The following SLC47A2 variants were observed in gnomAD, a reference collection of about 807,000 sequenced individuals.
SLC47A2 encodes the protein multidrug and toxin extrusion protein 2.
Under a neutral mutation model 67.7 loss-of-function variants are expected in SLC47A2, and 52 were observed. The ratio of observed to expected loss-of-function variants is 0.77; its 90% CI spans 0.61 to 0.97. The LOEUF (loss-of-function observed/expected upper bound fraction) is 0.97, where lower values mean the gene tolerates loss of function less well. SLC47A2 is among the 50% of genes least tolerant of loss of function. SLC47A2 has a pLI of 0.00. For synonymous variants in SLC47A2, 278 were observed against 292.9 expected (o/e 0.95, Z 0.52); for missense variants, 676 against 712.3 (o/e 0.95, Z 0.58).
intron 1 of SLC47A2, chr17:19,715,702 T>TTG (rs2086240238): frequency 2.3e-5 from 3 of 129,310 alleles, no homozygotes; most frequent in East Asian, 2.6e-4. Context: ...GTTTTGTTTT[T>TTG]TTTGTTTTTT....
intron 13 of SLC47A2, among the ~76,000 whole-genome samples, chr17:19,693,140 A>G (rs1212920653): frequency 6.6e-6 from 1 of 151,838 alleles, no homozygotes; most frequent in Non-Finnish European, 1.5e-5. Flanking sequence ...AAAAAAAAAG[A>G]GGTTTATCCC....
intron 13 of SLC47A2, among the ~76,000 whole-genome samples, chr17:19,694,841 G>A (rs996538633): frequency 2.4e-4 from 36 of 150,012 alleles, no homozygotes; most frequent in African/African-American, 8.9e-4. Flanking sequence ...GCTTGAACCC[G>A]GGAGGCAGAG....
chr17:19,716,686 G>T (rs902957585), upstream of SLC47A2: 4 of 1,329,092 alleles, frequency 3.0e-6, no homozygotes, highest in African/African-American at 3.0e-5. Flanking sequence ...AGGAGGAGGG[G>T]CTACCATGGC....
intron 13 of SLC47A2, among the ~76,000 whole-genome samples, chr17:19,683,428 G>A (rs1006869470): frequency 6.6e-6 from 1 of 152,238 alleles, no homozygotes; most frequent in African/African-American, 2.4e-5. Context: ...GGCAGGAAGG[G>A]CCAGTGGCTT....
In SLC47A2 at chr17:19,685,370, C is replaced by T. The variant is rs114687129; in HGVS notation, c.1165-3700G>A. On this transcript the variant is annotated intron_variant, in intron 13 of 16. Transcript: ENST00000433844. This position sits in a 1 kb window ranked among gnomAD's most constrained non-coding sequence, Gnocchi z 4.5. The stretch of plus-strand genomic sequence containing the variant: ...ATCTGGGAAGTGAGGCGCGCCTCTG[C>T]CTGGCTGCCACCACGTCTAGGAAGT... Among the ~76,000 whole-genome samples the T allele has an allele frequency of 0.024, 3,581 of 152,092 alleles. 129 individuals carry two copies. Among genetic ancestry groups the T allele is most frequent in the African/African-American group, 0.075 (3,112 of 41,454 alleles).
In SLC47A2 at chr17:19,679,481, T is replaced by C. The variant is rs367669101; in HGVS notation, c.1480+471A>G. 1.6e-4 allele frequency among the ~76,000 whole-genome samples: 25 copies of C among 152,258 alleles called. No individual in the cohort carries two copies. In the East Asian group the frequency reaches 4.6e-3, roughly 28 times the overall value. ...GCCTGATGGGGTGGAGAGAGGTAGA[T>C]AGCAGGTGCCCCCCCAAAGCCAATG... On this transcript the variant is annotated intron_variant, in intron 16 of 16. Transcript: ENST00000433844.
At position 19,713,848 on chromosome 17, in the gene SLC47A2, G is replaced by A. The variant is rs1288225590; in HGVS notation, c.420C>T (p.Phe140=). The change falls in exon 4 of 17, where the codon TTC becomes TTT. Residue 140 remains phenylalanine (F), a synonymous_variant. Coordinates refer to ENST00000433844, the MANE Select transcript of SLC47A2 (RefSeq NM_001099646.3). ...FLNTQHILLL[F]RQDPDVSRLT... ...ACCTGGACACGTCCGGGTCCTGCCG[G>A]AAGAGCAGCAGGATGTGCTGGGTGT... The A allele has an allele frequency of 3.1e-5, 50 of 1,613,070 alleles. No individual in the cohort carries two copies. The highest frequency in any genetic ancestry group is 4.2e-5 in the Non-Finnish European group (49 of 1,179,826).
chr17:19,693,584 C>T (rs1241264435), intron 13 of SLC47A2, among the ~76,000 whole-genome samples: 1 of 150,516 alleles, frequency 6.6e-6, no homozygotes, highest in African/African-American at 2.4e-5. Context: ...ACCACCCTGG[C>T]CAATGGTGAA....
In SLC47A2 at chr17:19,678,794, G is replaced by C. The variant is rs777774681; in HGVS notation, c.1593C>G (p.Ser531Arg). 1 of 1,614,232 alleles carries C rather than the reference G, an allele frequency of 6.2e-7. No homozygotes were observed. The highest frequency in any genetic ancestry group is 8.5e-7 in the Non-Finnish European group (1 of 1,180,038). ...TGACCAGCTGTTTCACTGATAGTCTGCTGGTAGGAGCTGAAAGGGCGTGGG... is the reference window on the plus strand; with the variant it reads ...TGACCAGCTGTTTCACTGATAGTCTCCTGGTAGGAGCTGAAAGGGCGTGGG... ...EEAHALSAPT[S>R]RLSVKQLVIR... Residue 531 changes from serine to arginine, a missense_variant, in exon 17 of 17, where the codon AGC becomes AGG. Transcript: ENST00000433844.
intron 4 of SLC47A2, among the ~76,000 whole-genome samples, chr17:19,712,961 G>A (rs1405925886): frequency 1.3e-5 from 2 of 152,044 alleles, no homozygotes; most frequent in East Asian, 1.9e-4. Context: ...TCAGGATGAG[G>A]GAACTTAAAT....
chr17:19,716,501 G>T lies in SLC47A2; in HGVS notation c.55C>A (p.Leu19Ile). 1 of 1,612,676 alleles carries T rather than the reference G, an allele frequency of 6.2e-7. No individual in the cohort carries two copies. Among genetic ancestry groups the T allele is most frequent in the Non-Finnish European group, 8.5e-7 (1 of 1,179,510 alleles). ...AAGCCTCTGGGAACCAGCCTGCTGA[G>T]GGCAGGGCAGCAGCCCCCATGGTCC... ...ALDHGGCCPA[L>I]SRLVPRGFGT... The change falls in exon 1 of 17, where the codon CTC becomes ATC. Residue 19 changes from leucine (L) to isoleucine (I), a missense_variant. Coordinates refer to ENST00000433844, the MANE Select transcript of SLC47A2 (RefSeq NM_001099646.3).
chr17:19,695,228 TCAC>T (rs1236561942), intron 13 of SLC47A2, among the ~76,000 whole-genome samples: 1 of 152,134 alleles, frequency 6.6e-6, no homozygotes, highest in Non-Finnish European at 1.5e-5. Context: ...TTAAATGTTC[TCAC>T]CACAAGAAAA....
chr17:19,713,413 A>ATCATC lies in SLC47A2; in HGVS notation c.443+411_443+412insGATGA, dbSNP rs1555543134. Among the ~76,000 whole-genome samples, 291 of 147,802 alleles carry ATCATC rather than the reference A, an allele frequency of 2.0e-3. 1 individual carries two copies. The highest frequency in any genetic ancestry group is 7.1e-3 in the Middle Eastern group (2 of 282). ...AAGTAATAATAATAATAATAATAAT[A>ATCATC]ATCATCATCATCATCATCATCTATA... On this transcript the variant is annotated intron_variant, in intron 4 of 16. Transcript: ENST00000433844.
chr17:19,714,950 C>A, intron 2 of SLC47A2, 161 bp from the exon 3 acceptor site: 1 of 1,239,680 alleles, frequency 8.1e-7, no homozygotes, highest in Non-Finnish European at 1.2e-6. Flanking sequence ...AGGGCCAGAC[C>A]GCCTCCATCT....
intron 5 of SLC47A2, among the ~76,000 whole-genome samples, chr17:19,709,262 G>A (rs1039488741): frequency 2.6e-5 from 4 of 152,248 alleles, no homozygotes; most frequent in African/African-American, 9.6e-5. Context: ...CCCTACGGGG[G>A]TGGCGGGCCC....
intron 13 of SLC47A2, chr17:19,692,227 CA>C (rs11313767): frequency 0.52 from 185,927 of 358,886 alleles, 25,339 homozygotes; most frequent in East Asian, 0.68. Context: ...GACTCCATGT[CA>C]AAAAAAAAAA....
chr17:19,711,813 C>T (rs2086109112), intron 5 of SLC47A2, among the ~76,000 whole-genome samples: 1 of 151,906 alleles, frequency 6.6e-6, no homozygotes, highest in Non-Finnish European at 1.5e-5. Context: ...TGAAAACCAT[C>T]TGTAAGATGA....
chr17:19,700,265 A>C (rs2085753940), intron 13 of SLC47A2, among the ~76,000 whole-genome samples: 1 of 152,214 alleles, frequency 6.6e-6, no homozygotes, highest in Non-Finnish European at 1.5e-5. Context: ...AACTCACTAA[A>C]AGTTTACAAA....
At chr17:19,705,707 T>C (rs1184729777) in intron 9 of SLC47A2, among the ~76,000 whole-genome samples, 1 of 151,740 alleles carries the variant, frequency 6.6e-6, no homozygotes, top group Non-Finnish European at 1.5e-5. Flanking sequence ...TAGGTGATCC[T>C]CCCACCTCAG....
Sources: allele counts gnomAD v4.1 joint callset (sites outside exome capture counted in the v4.1 genomes callset), GRCh38; gene constraint gnomAD v4.1.1; non-coding constraint Gnocchi (gnomAD v3.1); transcripts MANE v1.5; gene names NCBI Gene and HGNC (gene_info 2026-07-23, HGNC 2026-07-21).